The following RBFOX1 variants were observed in gnomAD, a reference collection of about 807,000 sequenced individuals.
RBFOX1 encodes the protein RNA binding protein fox-1 homolog 1.
A neutral mutation model predicts 57.7 loss-of-function variants in RBFOX1; 8 were observed. That is an observed-to-expected ratio of 0.14 (90% CI 0.08 to 0.25). The LOEUF (loss-of-function observed/expected upper bound fraction) is 0.25. RBFOX1 is among the 10% of genes least tolerant of loss of function. RBFOX1 has a pLI of 1.00. For synonymous variants in RBFOX1, 326 were observed against 222.4 expected (o/e 1.47, Z -4.15); for missense variants, 611 against 548.5 (o/e 1.11, Z -1.14).
intron 4 of RBFOX1, among the ~76,000 whole-genome samples, chr16:7,419,888 GC>G (rs1178572475): frequency 7.0e-6 from 1 of 143,740 alleles, no homozygotes; most frequent in Non-Finnish European, 1.5e-5. Context: ...TTAGCAACCT[GC>G]ATTGACCTAA....
At chr16:5,349,603 G>A (rs901662534) in intron 1 of RBFOX1, among the ~76,000 whole-genome samples, 1 of 41,824 alleles carries the variant, frequency 2.4e-5, no homozygotes, top group African/African-American at 1.0e-4. Context: ...AAACAGGGAG[G>A]CGGAGGTTTC....
intron 4 of RBFOX1, among the ~76,000 whole-genome samples, chr16:7,321,891 C>A (rs2143021977): frequency 6.6e-6 from 1 of 152,298 alleles, no homozygotes; most frequent in Middle Eastern, 3.4e-3. Context: ...CATGACATCG[C>A]AGAGAGACCA....
At chr16:6,149,801 C>G (rs758557522) in intron 1 of RBFOX1, among the ~76,000 whole-genome samples, 1 of 152,186 alleles carries the variant, frequency 6.6e-6, no homozygotes, top group Non-Finnish European at 1.5e-5. Flanking sequence ...GAGGATAGAA[C>G]TTATTTGGAG....
chr16:7,674,268 G>T (rs1268874082), intron 13 of RBFOX1, among the ~76,000 whole-genome samples: 1 of 152,092 alleles, frequency 6.6e-6, no homozygotes, highest in East Asian at 1.9e-4. Flanking sequence ...ATTTAGGCTG[G>T]TATTGTCCAA....
intron 11 of RBFOX1, among the ~76,000 whole-genome samples, chr16:7,638,084 G>C (rs936122429): frequency 6.6e-6 from 1 of 152,094 alleles, no homozygotes; most frequent in African/African-American, 2.4e-5. Context: ...CTCCATTACA[G>C]AGTTTTTTGG....
intron 4 of RBFOX1, among the ~76,000 whole-genome samples, chr16:7,131,430 T>C (rs1015371830): frequency 6.7e-6 from 1 of 148,882 alleles, no homozygotes; most frequent in Non-Finnish European, 1.5e-5. Context: ...AAGTTATAGT[T>C]GGCCACTTTA....
At chr16:5,775,141 C>T (rs2054104739) in intron 3 of RBFOX1, among the ~76,000 whole-genome samples, 1 of 152,074 alleles carries the variant, frequency 6.6e-6, no homozygotes. Context: ...GTAGTCCACA[C>T]CCCCAAATCA....
intron 3 of RBFOX1, among the ~76,000 whole-genome samples, chr16:6,717,551 T>C (rs939785976): frequency 1.1e-4 from 17 of 151,972 alleles, no homozygotes; most frequent in African/African-American, 3.6e-4. Context: ...CCTGATGAAT[T>C]AAGATAGCCT....
intron 1 of RBFOX1, among the ~76,000 whole-genome samples, chr16:6,036,319 A>T (rs2095364668): frequency 6.6e-6 from 1 of 152,182 alleles, no homozygotes; most frequent in Non-Finnish European, 1.5e-5. Flanking sequence ...CTGCTCTGGG[A>T]AGGCAACACA....
At chr16:7,080,013 CAT>C (rs1234497740) in intron 4 of RBFOX1, among the ~76,000 whole-genome samples, 2 of 137,144 alleles carry the variant, frequency 1.5e-5, no homozygotes, top group South Asian at 2.2e-4. Flanking sequence ...TATATATATA[CAT>C]ATATATACGT....
At position 7,373,933 on chromosome 16, in the gene RBFOX1, C is replaced by A. The variant is rs376593615; in HGVS notation, c.28-144214C>A. On this transcript the variant is annotated intron_variant, in intron 4 of 15. Coordinates refer to ENST00000550418, the MANE Select transcript of RBFOX1 (RefSeq NM_018723.4). ...TATAACTTAGGCTCCTCGTAGCAGCCCTTTGCAATGAAACTGTATCACTTT... is the reference window on the plus strand; with the variant it reads ...TATAACTTAGGCTCCTCGTAGCAGCACTTTGCAATGAAACTGTATCACTTT... Among the ~76,000 whole-genome samples the A allele has an allele frequency of 2.8e-4, 43 of 152,176 alleles. No individual in the cohort carries two copies. The East Asian group carries it at 3.5e-3, about 12-fold the overall frequency.
chr16:6,518,136 T>A (rs1377150732), intron 2 of RBFOX1, among the ~76,000 whole-genome samples: 4 of 152,202 alleles, frequency 2.6e-5, no homozygotes, highest in African/African-American at 9.6e-5. Flanking sequence ...TGGATTTGTT[T>A]TTTAGGAAGT....
At chr16:5,977,321 C>T (rs1222117145) in intron 4 of RBFOX1, among the ~76,000 whole-genome samples, 1 of 152,144 alleles carries the variant, frequency 6.6e-6, no homozygotes, top group African/African-American at 2.4e-5. Flanking sequence ...CCTTCCTGGG[C>T]TTTCACAGGC....
chr16:6,536,250 C>A (rs943012464), intron 2 of RBFOX1, among the ~76,000 whole-genome samples: 1 of 152,190 alleles, frequency 6.6e-6, no homozygotes, highest in East Asian at 1.9e-4. Context: ...AGATAAATCT[C>A]TAGTATCCTC....
At chr16:6,309,662 G>T (rs1354398027) in intron 1 of RBFOX1, among the ~76,000 whole-genome samples, 3 of 152,014 alleles carry the variant, frequency 2.0e-5, no homozygotes, top group African/African-American at 7.3e-5. Flanking sequence ...AAGGGAGGCG[G>T]TGTGTGGGGT....
intron 3 of RBFOX1, among the ~76,000 whole-genome samples, chr16:5,678,494 G>A (rs2050232879): frequency 1.3e-5 from 2 of 152,180 alleles, no homozygotes; most frequent in South Asian, 4.1e-4. Context: ...GTAGGGCAAG[G>A]TCTTCATGAT....
intron 6 of RBFOX1, among the ~76,000 whole-genome samples, chr16:7,586,526 T>C (rs1424365971): frequency 1.3e-5 from 2 of 152,230 alleles, no homozygotes; most frequent in African/African-American, 4.8e-5. Context: ...ATGTTGTGTG[T>C]GACATATCCT....
chr16:7,616,033 A>G (rs1342541054), intron 10 of RBFOX1, among the ~76,000 whole-genome samples: 1 of 152,146 alleles, frequency 6.6e-6, no homozygotes, highest in African/African-American at 2.4e-5. Flanking sequence ...TCATCTTTGG[A>G]GCATTGTATT....
intron 4 of RBFOX1, among the ~76,000 whole-genome samples, chr16:7,120,311 C>T (rs569133528): frequency 6.7e-6 from 1 of 150,358 alleles, no homozygotes; most frequent in Non-Finnish European, 1.5e-5. Flanking sequence ...CTAATACATG[C>T]AAAGAGAAAG....
Sources: gnomAD v4.1 joint callset for allele counts (sites outside exome capture counted in the v4.1 genomes callset) on GRCh38, gnomAD v4.1.1 for gene constraint, MANE v1.5 for transcripts, NCBI Gene and HGNC (gene_info 2026-07-23, HGNC 2026-07-21) for gene names.